GPM6A: variants seen among roughly 807,000 people sequenced by gnomAD.
The protein encoded by GPM6A is glycoprotein M6A, also known as neuronal membrane glycoprotein M6-a.
In GPM6A, 7 loss-of-function variants were observed where a neutral mutation model predicts 32.1. That is an observed-to-expected ratio of 0.22 (90% confidence interval 0.12 to 0.41). The LOEUF (loss-of-function observed/expected upper bound fraction) is 0.41, where lower values mean the gene tolerates loss of function less well. GPM6A is among the 10% of genes least tolerant of loss of function. The pLI is 1.00. For missense variants in GPM6A, 235 were observed against 347.2 expected (o/e 0.68, Z 2.57); for synonymous variants, 130 against 123.4 (o/e 1.05, Z -0.35).
intron 1 of GPM6A, among the ~76,000 whole-genome samples, chr4:175,882,675 G>C (rs930960338): frequency 4.6e-5 from 7 of 151,686 alleles, no homozygotes; most frequent in African/African-American, 1.7e-4. Flanking sequence ...GTATAAACCA[G>C]GTGCTATGCC....
intron 1 of GPM6A, among the ~76,000 whole-genome samples, chr4:175,954,289 C>A (rs191250184): frequency 6.6e-6 from 1 of 152,200 alleles, no homozygotes; most frequent in Non-Finnish European, 1.5e-5. Flanking sequence ...AGATCTAGAA[C>A]GTTTTCATCA....
chr4:175,868,500 G>A (rs10017665), intron 1 of GPM6A, among the ~76,000 whole-genome samples: 4,207 of 152,158 alleles, frequency 0.028, 168 homozygotes, highest in African/African-American at 0.088. Context: ...ACCTGCATCC[G>A]ACACATTTTG....
At chr4:175,839,844 C>CA (rs1345240301) in intron 1 of GPM6A, among the ~76,000 whole-genome samples, 1 of 152,050 alleles carries the variant, frequency 6.6e-6, no homozygotes, top group Non-Finnish European at 1.5e-5. Flanking sequence ...ACAAACTTAT[C>CA]AAAAGAATTT....
At chr4:175,668,056 A>C (rs1391517091) in intron 3 of GPM6A, among the ~76,000 whole-genome samples, 1 of 152,156 alleles carries the variant, frequency 6.6e-6, no homozygotes, top group Non-Finnish European at 1.5e-5. Flanking sequence ...TGCTTTACAC[A>C]GTTTTCTATT....
chr4:175,722,923 C>A (rs184561518), intron 1 of GPM6A, among the ~76,000 whole-genome samples: 2 of 151,684 alleles, frequency 1.3e-5, no homozygotes, highest in African/African-American at 2.4e-5. Context: ...GTGGTACACA[C>A]CTGTAATCCC....
intron 1 of GPM6A, among the ~76,000 whole-genome samples, chr4:175,899,841 C>T (rs544880855): frequency 6.6e-6 from 1 of 152,156 alleles, no homozygotes; most frequent in South Asian, 2.1e-4. Flanking sequence ...CTCACAAGCA[C>T]AGGCAACCAA....
intron 1 of GPM6A, among the ~76,000 whole-genome samples, chr4:175,950,185 AC>A (rs1409080401): frequency 2.0e-5 from 3 of 152,300 alleles, no homozygotes; most frequent in East Asian, 3.9e-4. Flanking sequence ...TATTTTAAGA[AC>A]TCTATGGCCC....
intron 1 of GPM6A, among the ~76,000 whole-genome samples, chr4:175,894,272 C>A (rs1267743902): frequency 6.6e-6 from 1 of 151,862 alleles, no homozygotes; most frequent in Non-Finnish European, 1.5e-5. Context: ...AAGTGATAGA[C>A]CAAATTAAGT....
At chr4:175,802,155 T>A (rs189168522) in intron 1 of GPM6A, among the ~76,000 whole-genome samples, 5 of 152,192 alleles carry the variant, frequency 3.3e-5, no homozygotes, top group Admixed American at 3.3e-4. Flanking sequence ...AAGTAACACA[T>A]AAATAAATAA....
intron 1 of GPM6A, among the ~76,000 whole-genome samples, chr4:175,997,196 C>T (rs990600663): frequency 2.4e-4 from 37 of 152,126 alleles, no homozygotes; most frequent in Admixed American, 3.9e-4. Context: ...GCTCAGCAGA[C>T]AGTCAGCCCT....
At chr4:175,665,358 G>T (rs1167404737) in intron 3 of GPM6A, among the ~76,000 whole-genome samples, 2 of 151,936 alleles carry the variant, frequency 1.3e-5, no homozygotes, top group African/African-American at 4.8e-5. Context: ...GTTTCTTGAT[G>T]AATCCTCATA....
chr4:175,981,242 A>C (rs934038882), intron 1 of GPM6A, among the ~76,000 whole-genome samples: 20 of 152,204 alleles, frequency 1.3e-4, no homozygotes, highest in Non-Finnish European at 2.9e-4. Flanking sequence ...TAGTTATATC[A>C]GATTTCATCT....
At chr4:175,952,422 C>T (rs1739845247) in intron 1 of GPM6A, among the ~76,000 whole-genome samples, 1 of 152,130 alleles carries the variant, frequency 6.6e-6, no homozygotes, top group South Asian at 2.1e-4. Context: ...GAATGGATGT[C>T]CCCAAAGCAA....
chr4:175,762,704 G>A (rs538967696), intron 1 of GPM6A, among the ~76,000 whole-genome samples: 79 of 152,214 alleles, frequency 5.2e-4, no homozygotes, highest in African/African-American at 1.8e-3. Context: ...GAACATATGC[G>A]CATCTGTGCA....
intron 1 of GPM6A, among the ~76,000 whole-genome samples, chr4:175,774,806 A>T (rs1733327969): frequency 1.3e-5 from 2 of 152,140 alleles, no homozygotes; most frequent in Admixed American, 6.5e-5. Context: ...AAAGCTTAAC[A>T]AATCACTATA....
intron 1 of GPM6A, among the ~76,000 whole-genome samples, chr4:175,990,922 T>C (rs1183760327): frequency 6.6e-6 from 1 of 152,142 alleles, no homozygotes; most frequent in Non-Finnish European, 1.5e-5. Context: ...ATGCCTTTTT[T>C]ACCTAAGGAA....
chr4:175,971,860 A>G (rs151202260), intron 1 of GPM6A: 96 of 152,322 alleles, frequency 6.3e-4, no homozygotes, highest in African/African-American at 2.1e-3. Context: ...AGAAACCAGT[A>G]GAGATAAAAA....
intron 1 of GPM6A, among the ~76,000 whole-genome samples, chr4:175,991,075 CTT>C (rs36032066): frequency 7.1e-4 from 99 of 140,038 alleles, no homozygotes; most frequent in African/African-American, 1.8e-3. Context: ...ATCTTTCTTT[CTT>C]TTTTTTTTTT....
chr4:175,941,952 C>T (rs1336606179), intron 1 of GPM6A, among the ~76,000 whole-genome samples: 1 of 152,182 alleles, frequency 6.6e-6, no homozygotes, highest in Admixed American at 6.5e-5. Flanking sequence ...GAGGAATTGC[C>T]ACACTGTCTT....
Sources: gnomAD v4.1 joint callset for allele counts (sites outside exome capture counted in the v4.1 genomes callset) on GRCh38, gnomAD v4.1.1 for gene constraint, MANE v1.5 for transcripts, NCBI Gene and HGNC (gene_info 2026-07-23, HGNC 2026-07-21) for gene names.